Variants in ADGRE2 observed in about 807,000 individuals in gnomAD.
ADGRE2 encodes CD97 antigen.
In ADGRE2, 83 loss-of-function variants were observed where a neutral mutation model predicts 100.8. The ratio of observed to expected loss-of-function variants is 0.82; its 90% CI spans 0.69 to 0.99. The LOEUF (loss-of-function observed/expected upper bound fraction) is 0.99. Among genes scored for constraint, ADGRE2 ranks in the 50% least tolerant of loss-of-function variants. The pLI is 0.00. For missense variants in ADGRE2, 814 were observed against 1,035.7 expected, an observed-to-expected ratio of 0.79 and a Z score of 2.94; for synonymous variants, 355 against 413.0, an observed-to-expected ratio of 0.86 and a Z score of 1.70.
rs771056442 is a variant in ADGRE2, at chr19:14,752,477, G to A, written c.1640C>T (p.Ser547Phe). ...GGCCGCCAGGAGGAGGCACAGCAGA[G>A]AGACGCTCAGCCCCATGTAGGTGAT... The part of the protein sequence containing the change: ...TVITYMGLSV[S>F]LLCLLLAALT... Residue 547 changes from serine (S) to phenylalanine (F), a missense_variant, in exon 15 of 21, where the codon TCT becomes TTT. Ser to Phe is a radical substitution (Grantham distance 155, BLOSUM62 -2). Transcript: ENST00000315576. 4.2e-5 allele frequency: 67 copies of A among 1,614,146 alleles called. No individual in the cohort carries two copies. The Admixed American group carries it at 1.1e-3, about 26-fold the overall frequency.
intron 5 of ADGRE2, 89 bp from the exon 6 acceptor site, chr19:14,767,198 A>G (rs2044020201): frequency 1.3e-6 from 2 of 1,569,054 alleles, no homozygotes; most frequent in Non-Finnish European, 1.7e-6. Flanking sequence ...GCACGGAAGC[A>G]TCTGGAAGGC....
At position 14,765,403 on chromosome 19, in the gene ADGRE2, G is replaced by A; in HGVS notation, c.829-6C>T. 1 of 1,614,234 alleles carries A rather than the reference G, an allele frequency of 6.2e-7. No individual in the cohort carries two copies. Among genetic ancestry groups the A allele is most frequent in the Non-Finnish European group, 8.5e-7 (1 of 1,180,048 alleles). On this transcript the variant is annotated splice_polypyrimidine_tract_variant and splice_region_variant and intron_variant, in intron 9 of 20. Transcript: ENST00000315576. ...TCGAAGAATCGGGAAAGCGTCTGCA[G>A]AGAGAGGAGATGTGGGGGTCAGAGA...
intron 16 of ADGRE2, among the ~76,000 whole-genome samples, chr19:14,747,454 T>G (rs1354728442): frequency 6.6e-6 from 1 of 152,154 alleles, no homozygotes; most frequent in Non-Finnish European, 1.5e-5. Context: ...GAGCTGTGAT[T>G]GCACTACTGC....
intron 16 of ADGRE2, among the ~76,000 whole-genome samples, chr19:14,750,564 T>C (rs1055228711): frequency 4.6e-5 from 6 of 130,752 alleles, no homozygotes; most frequent in African/African-American, 1.7e-4. Context: ...ACCAGTGCAA[T>C]TGGCAAACAA....
chr19:14,758,243 C>T (rs900355975), intron 11 of ADGRE2, among the ~76,000 whole-genome samples: 7 of 152,118 alleles, frequency 4.6e-5, no homozygotes, highest in Non-Finnish European at 7.4e-5. Flanking sequence ...ATCTACAGAA[C>T]GGGAGAAAAT....
intron 10 of ADGRE2, 65 bp from the exon 11 acceptor site, chr19:14,764,675 C>T (rs755932272): frequency 6.0e-5 from 89 of 1,487,604 alleles, no homozygotes; most frequent in Non-Finnish European, 7.1e-5. Context: ...AGACTCCAAC[C>T]GCTCAGCCCC....
At chr19:14,732,246 T>C (rs966932496), downstream of ADGRE2, 1 of 152,202 alleles carries the variant, frequency 6.6e-6, no homozygotes, top group Admixed American at 6.5e-5. Flanking sequence ...CCCAACAGCA[T>C]GTGCTCACTT....
At chr19:14,728,031 G>A (rs746728510), downstream of ADGRE2, among the ~76,000 whole-genome samples, 26 of 152,278 alleles carry the variant, frequency 1.7e-4, no homozygotes, top group Middle Eastern at 6.8e-3. Flanking sequence ...GACCATCCTG[G>A]CTAACACGGT....
intron 11 of ADGRE2, among the ~76,000 whole-genome samples, chr19:14,757,403 G>C (rs80096100): frequency 0.43 from 65,998 of 151,766 alleles, 15,461 homozygotes; most frequent in African/African-American, 0.6. Context: ...GTGTTGTAAG[G>C]AATCCAAATA....
downstream of ADGRE2, among the ~76,000 whole-genome samples, chr19:14,730,150 T>A (rs1223155822): frequency 6.6e-6 from 1 of 152,192 alleles, no homozygotes; most frequent in Non-Finnish European, 1.5e-5. Context: ...CCTCCCAGGT[T>A]CAAGTGATTC....
chr19:14,770,669 C>CTTTTTTTTTTTTTTTTTTTTTTTTT (rs775214778), intron 5 of ADGRE2, among the ~76,000 whole-genome samples: 11 of 85,004 alleles, frequency 1.3e-4, no homozygotes, highest in East Asian at 4.2e-4. Flanking sequence ...TCTTTCTTTT[C>CTTTTTTTTTTTTTTTTTTTTTTTTT]TTTTTTTTTT....
intron 14 of ADGRE2, 116 bp downstream of exon 14, chr19:14,754,825 TCTTGCTATGCCAG>T: frequency 9.8e-7 from 1 of 1,017,206 alleles, no homozygotes; most frequent in Non-Finnish European, 1.4e-6. Flanking sequence ...AGAAAAGCCA[TCTTGCTATGCCAG>T]CTTGCTGACC....
intron 20 of ADGRE2, 79 bp from the exon 21 acceptor site, chr19:14,736,323 G>T (rs562159963): frequency 2.3e-5 from 22 of 939,406 alleles, no homozygotes; most frequent in Non-Finnish European, 3.5e-5. Flanking sequence ...GTGCAATGGC[G>T]CAGCCTCGAC....
chr19:14,754,490 T>TC, intron 14 of ADGRE2, among the ~76,000 whole-genome samples: 1 of 149,762 alleles, frequency 6.7e-6, no homozygotes, highest in East Asian at 1.9e-4. Flanking sequence ...TATCTATCTA[T>TC]TCCATTAGTT....
At chr19:14,726,675 G>A in the ADGRE2 span, among the ~76,000 whole-genome samples, 5,521 of 152,104 alleles carry the variant, frequency 0.036, 325 homozygotes, top group African/African-American at 0.13. Context: ...CAAACTTCCC[G>A]AAAGCCTTAG....
At chr19:14,743,335 T>G in intron 20 of ADGRE2, 85 bp downstream of exon 20, 1 of 1,047,348 alleles carries the variant, frequency 9.5e-7, no homozygotes, top group Non-Finnish European at 1.5e-6. Context: ...TTGCCTGCTG[T>G]ATTCCCAGGT....
intron 15 of ADGRE2, among the ~76,000 whole-genome samples, chr19:14,751,892 TACACACACAC>T (rs149318162): frequency 2.1e-5 from 3 of 139,566 alleles, no homozygotes; most frequent in Non-Finnish European, 4.6e-5. Context: ...TATATACGTA[TACACACACAC>T]ACACACACAC....
rs1371115911 is a variant in ADGRE2 at position 14,735,359 on chromosome 19, G to A, written c.*877C>T. Reference sequence around the variant, plus strand: ...CCTGCCTCACCCTCCCAAAGTGCTAGGATTACAGGGCATGAACTGTGCCAT... The same window carrying A: ...CCTGCCTCACCCTCCCAAAGTGCTAAGATTACAGGGCATGAACTGTGCCAT... On this transcript the variant is annotated 3_prime_UTR_variant, in exon 21 of 21. Coordinates refer to ENST00000315576, the MANE Select transcript of ADGRE2 (RefSeq NM_013447.4). 2 of 152,088 alleles carry A rather than the reference G, an allele frequency of 1.3e-5. No individual in the cohort carries two copies. Among genetic ancestry groups the A allele is most frequent in the African/African-American group, 4.8e-5 (2 of 41,372 alleles). The allele number at this position is 152,088 out of a possible 1,614,324, so 9.4% of individuals were successfully genotyped here.
At chr19:14,754,477 A>ATCTATCTATCTATCTATCTATCTATCTG (rs1555784863) in intron 14 of ADGRE2, among the ~76,000 whole-genome samples, 54 of 150,266 alleles carry the variant, frequency 3.6e-4, no homozygotes, top group Middle Eastern at 3.4e-3. Context: ...CTATCTATCT[A>ATCTATCTATCTATCTATCTATCTATCTG]TCTATCTATC....
Sources: gnomAD v4.1 joint callset for allele counts (sites outside exome capture counted in the v4.1 genomes callset) on GRCh38, gnomAD v4.1.1 for gene constraint, MANE v1.5 for transcripts, NCBI Gene and HGNC (gene_info 2026-07-23, HGNC 2026-07-21) for gene names.